ITGBL1: variants seen among roughly 807,000 people sequenced by gnomAD.
ITGBL1 encodes the protein integrin beta-like protein 1.
Under a neutral mutation model 68.5 loss-of-function variants are expected in ITGBL1, and 51 were observed. The observed-to-expected ratio is 0.74, with a 90% CI of 0.59 to 0.94. The LOEUF is 0.94. Among genes scored for constraint, ITGBL1 ranks in the 40% least tolerant of loss-of-function variants. ITGBL1 has a pLI of 0.00. For missense variants in ITGBL1, 649 were observed against 647.4 expected (o/e 1.00, Z -0.03); for synonymous variants, 209 against 227.3 (o/e 0.92, Z 0.72).
intron 2 of ITGBL1, among the ~76,000 whole-genome samples, chr13:101,493,817 G>C (rs900251204): frequency 3.9e-5 from 6 of 152,084 alleles, no homozygotes; most frequent in African/African-American, 1.2e-4. Flanking sequence ...TTCTTCTTTG[G>C]GGACCTTTCA....
chr13:101,542,019 T>C (rs1338430494), intron 2 of ITGBL1, among the ~76,000 whole-genome samples: 3 of 152,246 alleles, frequency 2.0e-5, no homozygotes, highest in South Asian at 2.1e-4. Flanking sequence ...CCTGGATTCA[T>C]TGATTTTTTG....
At chr13:101,717,115 A>T (rs1189017884), downstream of ITGBL1, 1 of 152,134 alleles carries the variant, frequency 6.6e-6, no homozygotes, top group Non-Finnish European at 1.5e-5. Flanking sequence ...TTTACTTGGA[A>T]ATTTTATTTT....
intron 7 of ITGBL1, among the ~76,000 whole-genome samples, chr13:101,676,196 T>G (rs1790526963): frequency 6.6e-6 from 1 of 152,160 alleles, no homozygotes; most frequent in Non-Finnish European, 1.5e-5. Context: ...CATACCTGTT[T>G]TTGTTTTGTT....
chr13:101,624,181 A>G (rs1023938592), intron 7 of ITGBL1, among the ~76,000 whole-genome samples: 6 of 152,124 alleles, frequency 3.9e-5, no homozygotes, highest in Non-Finnish European at 8.8e-5. Context: ...ATTCACTTAC[A>G]TATGTTTTAT....
At chr13:101,567,185 T>C (rs1431247454) in intron 2 of ITGBL1, among the ~76,000 whole-genome samples, 1 of 152,176 alleles carries the variant, frequency 6.6e-6, no homozygotes, top group Non-Finnish European at 1.5e-5. Flanking sequence ...TATATACGTA[T>C]TTTATGTCCA....
chr13:101,622,255 A>G (rs1308575377), intron 7 of ITGBL1, among the ~76,000 whole-genome samples: 1 of 152,146 alleles, frequency 6.6e-6, no homozygotes, highest in East Asian at 1.9e-4. Context: ...GACTTATGTC[A>G]TTTAATAATC....
rs371515011 is a variant in ITGBL1, at chr13:101,682,422, CTG to C, written c.1016-10160_1016-10159del. The stretch of plus-strand genomic sequence containing the variant: ...TCTTATGGATAACATTCCAAAAAAA[CTG>C]TGAATGAGAGTTTCTTCCAGGCTAT... On this transcript the variant is annotated intron_variant, in intron 7 of 10. Coordinates refer to ENST00000376180, the MANE Select transcript of ITGBL1 (RefSeq NM_004791.3). Among the ~76,000 whole-genome samples, 63 of 152,158 alleles carry C rather than the reference CTG, an allele frequency of 4.1e-4. No homozygotes were observed. In the East Asian group the frequency reaches 6.6e-3, roughly 16 times the overall value.
At chr13:101,694,056 A>G (rs1233830914) in intron 8 of ITGBL1, among the ~76,000 whole-genome samples, 1 of 152,192 alleles carries the variant, frequency 6.6e-6, no homozygotes, top group East Asian at 1.9e-4. Context: ...GTGAGGTTGG[A>G]GAAGTTAACA....
At chr13:101,622,974 A>G (rs1190222642) in intron 7 of ITGBL1, among the ~76,000 whole-genome samples, 1 of 151,212 alleles carries the variant, frequency 6.6e-6, no homozygotes, top group African/African-American at 2.4e-5. Context: ...AATATCAAAG[A>G]CAATTGCAGA....
intron 10 of ITGBL1, 109 bp downstream of exon 10, chr13:101,714,660 A>G: frequency 2.8e-6 from 2 of 703,798 alleles, no homozygotes; most frequent in South Asian, 1.7e-5. Context: ...CCAACCGTGA[A>G]TATGAAATAT....
intron 7 of ITGBL1, among the ~76,000 whole-genome samples, chr13:101,629,897 A>G (rs1381968230): frequency 6.6e-6 from 1 of 152,162 alleles, no homozygotes; most frequent in African/African-American, 2.4e-5. Context: ...ACCTCGGCTC[A>G]CTGCAACCTC....
intron 7 of ITGBL1, among the ~76,000 whole-genome samples, chr13:101,633,604 C>T (rs2032064213): frequency 6.6e-6 from 1 of 152,160 alleles, no homozygotes; most frequent in Admixed American, 6.6e-5. Context: ...GGCTTCTCAG[C>T]CTTTTTGCTT....
At chr13:101,525,526 G>GTTT (rs1555356247) in intron 2 of ITGBL1, among the ~76,000 whole-genome samples, 4,611 of 107,072 alleles carry the variant, frequency 0.043, 255 homozygotes, top group African/African-American at 0.12. Flanking sequence ...CAGGCACCTT[G>GTTT]TTTTTTTTTT....
At chr13:101,470,891 A>G (rs1050425657) in intron 2 of ITGBL1, among the ~76,000 whole-genome samples, 1 of 100,600 alleles carries the variant, frequency 9.9e-6, no homozygotes, top group Non-Finnish European at 2.0e-5. Context: ...GTGGTGTTAA[A>G]TTCTCCCAAT....
intron 7 of ITGBL1, among the ~76,000 whole-genome samples, chr13:101,651,884 C>T (rs1017873130): frequency 2.0e-5 from 3 of 152,002 alleles, no homozygotes; most frequent in Non-Finnish European, 4.4e-5. Context: ...CCATTTTCTG[C>T]GTATGGCTAG....
chr13:101,521,704 C>T (rs1408416337), intron 2 of ITGBL1, among the ~76,000 whole-genome samples: 2 of 152,172 alleles, frequency 1.3e-5, no homozygotes, highest in Non-Finnish European at 2.9e-5. Flanking sequence ...GTGATTCCCA[C>T]AGGAGTGCCG....
chr13:101,579,980 G>A (rs528516387), intron 5 of ITGBL1, among the ~76,000 whole-genome samples: 96 of 152,208 alleles, frequency 6.3e-4, no homozygotes, highest in African/African-American at 2.2e-3. Context: ...ACTTTACAAA[G>A]GAAGTTAACA....
chr13:101,487,821 G>T (rs1219976595), intron 2 of ITGBL1, among the ~76,000 whole-genome samples: 1 of 152,188 alleles, frequency 6.6e-6, no homozygotes, highest in East Asian at 1.9e-4. Context: ...GTCTTAGCTT[G>T]TAGGTTTTAT....
chr13:101,619,306 A>G (rs763021859), intron 7 of ITGBL1, among the ~76,000 whole-genome samples: 4 of 152,046 alleles, frequency 2.6e-5, no homozygotes, highest in Non-Finnish European at 5.9e-5. Context: ...TAATCAAAAG[A>G]TTATACTAGA....
Sources: allele counts gnomAD v4.1 joint callset (sites outside exome capture counted in the v4.1 genomes callset), GRCh38; gene constraint gnomAD v4.1.1; transcripts MANE v1.5; gene names NCBI Gene and HGNC (gene_info 2026-07-23, HGNC 2026-07-21).